RABGAP1L: variants seen among roughly 807,000 people sequenced by gnomAD.
The protein encoded by RABGAP1L is RAB GTPase activating protein 1 like, also known as rab GTPase-activating protein 1-like.
Under a neutral mutation model 137.7 loss-of-function variants are expected in RABGAP1L, and 63 were observed. The observed-to-expected ratio is 0.46, with a 90% CI of 0.37 to 0.56. RABGAP1L has a LOEUF of 0.56. Among genes scored for constraint, RABGAP1L ranks in the 20% least tolerant of loss-of-function variants. The pLI, the probability that RABGAP1L is intolerant of heterozygous loss-of-function variation, is 0.00. For missense variants in RABGAP1L, 1,095 were observed against 1,244.0 expected, an observed-to-expected ratio of 0.88 and a Z score of 1.80; for synonymous variants, 431 against 433.7, an observed-to-expected ratio of 0.99 and a Z score of 0.08.
intron 13 of RABGAP1L, among the ~76,000 whole-genome samples, chr1:174,600,490 C>G (rs1670325598): frequency 6.6e-6 from 1 of 152,156 alleles, no homozygotes; most frequent in African/African-American, 2.4e-5. Context: ...CAAAAGCAAG[C>G]TAGTTACTTC....
At chr1:174,337,159 T>G (rs1328321744) in intron 11 of RABGAP1L, among the ~76,000 whole-genome samples, 1 of 152,000 alleles carries the variant, frequency 6.6e-6, no homozygotes, top group African/African-American at 2.4e-5. Flanking sequence ...GGACATGTCT[T>G]AGTTGAGTCC....
At chr1:174,376,802 A>G (rs1685585402) in intron 12 of RABGAP1L, among the ~76,000 whole-genome samples, 1 of 152,224 alleles carries the variant, frequency 6.6e-6, no homozygotes, top group Non-Finnish European at 1.5e-5. Flanking sequence ...AGGTAGGGAT[A>G]TCTACTCTCA....
chr1:174,239,423 G>A (rs1389823341), intron 4 of RABGAP1L, among the ~76,000 whole-genome samples: 1 of 152,052 alleles, frequency 6.6e-6, no homozygotes, highest in Admixed American at 6.6e-5. Flanking sequence ...TCCCGCCCCA[G>A]GACCTTGGCA....
At chr1:174,581,430 G>A (rs1668738150) in intron 13 of RABGAP1L, among the ~76,000 whole-genome samples, 1 of 152,210 alleles carries the variant, frequency 6.6e-6, no homozygotes, top group Admixed American at 6.5e-5. Context: ...AATGAAATGA[G>A]TCACAAACAC....
rs116199327 is a variant in RABGAP1L, at chr1:174,357,190, A to T, written c.1466-13789A>T. On this transcript the variant is annotated intron_variant, in intron 11 of 25. Coordinates refer to ENST00000681986, the MANE Select transcript of RABGAP1L (RefSeq NM_001366446.1). ...TTCTAATGTTAAAATTTATAGAGGA[A>T]GTTGGGACTGCTAGTTAAGAATGTT... is the stretch of plus-strand genomic sequence containing the variant. Among the ~76,000 whole-genome samples the T allele has an allele frequency of 9.0e-3, 1,375 of 152,294 alleles. 25 individuals carry two copies. Among genetic ancestry groups the T allele is most frequent in the African/African-American group, 0.032 (1,326 of 41,566 alleles).
intron 13 of RABGAP1L, among the ~76,000 whole-genome samples, chr1:174,414,371 T>A (rs1324336607): frequency 6.6e-6 from 1 of 152,142 alleles, no homozygotes; most frequent in Non-Finnish European, 1.5e-5. Flanking sequence ...TGTTTTACTT[T>A]CCCTTTCAGT....
At position 174,598,479 on chromosome 1, in the gene RABGAP1L, A is replaced by G. The variant is rs12567385; in HGVS notation, c.1711-38896A>G. 6.7e-3 allele frequency among the ~76,000 whole-genome samples: 1,024 copies of G among 152,224 alleles called. 39 individuals carry two copies. In the East Asian group the frequency reaches 0.12, roughly 17 times the overall value. ...TTTTGTTGATTTTTCAGTCTGGATG[A>G]TCTGTCCAGTGCTGAAAGTGGTATG... On this transcript the variant is annotated intron_variant, in intron 13 of 25. Coordinates refer to ENST00000681986, the MANE Select transcript of RABGAP1L (RefSeq NM_001366446.1).
At chr1:174,976,327 C>T in intron 22 of RABGAP1L, 145 bp downstream of exon 22, 3 of 659,622 alleles carry the variant, frequency 4.5e-6, no homozygotes, top group South Asian at 2.3e-5. Flanking sequence ...ACTTACTCAA[C>T]ATTTTTGTTC....
chr1:174,292,664 T>A (rs1172229931), intron 10 of RABGAP1L, among the ~76,000 whole-genome samples: 1 of 152,148 alleles, frequency 6.6e-6, no homozygotes, highest in Admixed American at 6.6e-5. Flanking sequence ...ATTTTATGAC[T>A]CAGCATATGG....
At chr1:174,621,929 G>A (rs1672517595) in intron 13 of RABGAP1L, among the ~76,000 whole-genome samples, 1 of 152,072 alleles carries the variant, frequency 6.6e-6, no homozygotes, top group South Asian at 2.1e-4. Flanking sequence ...CTACAAAATG[G>A]GAGAAAATTT....
At chr1:174,208,743 G>C (rs1355311974) in intron 1 of RABGAP1L, among the ~76,000 whole-genome samples, 1 of 152,072 alleles carries the variant, frequency 6.6e-6, no homozygotes, top group Non-Finnish European at 1.5e-5. Flanking sequence ...ATCTGGTTTT[G>C]GTATTAGAGC....
chr1:174,837,061 G>T (rs1692824683), intron 19 of RABGAP1L, among the ~76,000 whole-genome samples: 1 of 152,168 alleles, frequency 6.6e-6, no homozygotes, highest in African/African-American at 2.4e-5. Flanking sequence ...ACAAAAATTA[G>T]CTGGGCGTGG....
At chr1:174,248,728 A>T (rs972657570) in intron 5 of RABGAP1L, among the ~76,000 whole-genome samples, 1 of 152,222 alleles carries the variant, frequency 6.6e-6, no homozygotes, top group African/African-American at 2.4e-5. Context: ...AAGACCTCAT[A>T]CTTTAACAGA....
At chr1:174,182,071 A>G (rs1666413805) in intron 1 of RABGAP1L, among the ~76,000 whole-genome samples, 1 of 152,228 alleles carries the variant, frequency 6.6e-6, no homozygotes, top group South Asian at 2.1e-4. Flanking sequence ...GATAAGTAAT[A>G]CAGATCATGT....
chr1:174,180,363 A>T (rs1205475268), intron 1 of RABGAP1L, among the ~76,000 whole-genome samples: 1 of 152,212 alleles, frequency 6.6e-6, no homozygotes, highest in Non-Finnish European at 1.5e-5. Flanking sequence ...TTAGTACTAG[A>T]ATAATGATAC....
chr1:174,488,634 T>G (rs1027340408), intron 13 of RABGAP1L, among the ~76,000 whole-genome samples: 8 of 152,144 alleles, frequency 5.3e-5, no homozygotes, highest in Non-Finnish European at 1.2e-4. Flanking sequence ...TATCTCATTC[T>G]CTACATTTTT....
chr1:174,618,827 C>T (rs564551281), intron 13 of RABGAP1L, among the ~76,000 whole-genome samples: 18 of 152,086 alleles, frequency 1.2e-4, no homozygotes, highest in South Asian at 4.2e-4. Context: ...AGGCTTCAGA[C>T]GATCAAGCTA....
Position 174,991,679 on chromosome 1 carries a change from C to CA in RABGAP1L, c.*1682dup. 6.6e-6 allele frequency: 1 copy of CA among 152,106 alleles called. No homozygotes were observed. The highest frequency in any genetic ancestry group is 2.1e-4 in the South Asian group (1 of 4,822). 9.4% of individuals were successfully genotyped at this position (152,106 alleles called of 1,614,324 possible). On this transcript the variant is annotated 3_prime_UTR_variant, in exon 26 of 26. Coordinates refer to ENST00000681986, the MANE Select transcript of RABGAP1L (RefSeq NM_001366446.1). The stretch of plus-strand genomic sequence containing the variant: ...ATTGTTGTTCTGACATCTTTCATTA[C>CA]AAAATTTATTTTCTTAACAAAAAGG...
At chr1:174,608,178 C>T (rs1030156713) in intron 13 of RABGAP1L, among the ~76,000 whole-genome samples, 1 of 152,172 alleles carries the variant, frequency 6.6e-6, no homozygotes, top group Non-Finnish European at 1.5e-5. Flanking sequence ...AGGCATGACT[C>T]ACCTTCCACT....
Sources: gnomAD v4.1 joint callset for allele counts (sites outside exome capture counted in the v4.1 genomes callset) on GRCh38, gnomAD v4.1.1 for gene constraint, MANE v1.5 for transcripts, NCBI Gene and HGNC (gene_info 2026-07-23, HGNC 2026-07-21) for gene names.